Variants in HELZ observed in about 807,000 individuals in gnomAD.
HELZ encodes the protein helicase with zinc finger.
A neutral mutation model predicts 218.2 loss-of-function variants in HELZ; 23 were observed. The ratio of observed to expected loss-of-function variants is 0.11; its 90% CI spans 0.08 to 0.15. The LOEUF (loss-of-function observed/expected upper bound fraction) is 0.15. Ranked by LOEUF, HELZ falls within the 10% of genes least tolerant of loss-of-function variation. HELZ has a pLI of 1.00. For missense variants in HELZ, 1,813 were observed against 2,353.7 expected (o/e 0.77, Z 4.75); for synonymous variants, 814 against 829.4 (o/e 0.98, Z 0.32).
At chr17:67,098,533 G>A (rs1250706446) in intron 31 of HELZ, among the ~76,000 whole-genome samples, 2 of 151,212 alleles carry the variant, frequency 1.3e-5, no homozygotes, top group Non-Finnish European at 2.9e-5. Context: ...TCAGGAGTTT[G>A]AGACCAGCCT....
At chr17:67,235,665 C>T (rs1025419040) in intron 3 of HELZ, among the ~76,000 whole-genome samples, 1 of 151,660 alleles carries the variant, frequency 6.6e-6, no homozygotes, top group Non-Finnish European at 1.5e-5. Context: ...CCAATAAATA[C>T]TTGCTGAACT....
At chr17:67,186,043 T>C (rs1316165427) in intron 12 of HELZ, among the ~76,000 whole-genome samples, 2 of 152,152 alleles carry the variant, frequency 1.3e-5, no homozygotes, top group Non-Finnish European at 2.9e-5. Context: ...TCCTACAATG[T>C]GTTCTCTTGC....
rs1361473062 is a variant in HELZ, at chr17:67,074,776, TTTTAC to T, written c.*3471_*3475del. 1 of 152,094 alleles carries T rather than the reference TTTTAC, an allele frequency of 6.6e-6. No individual in the cohort carries two copies. Among genetic ancestry groups the T allele is most frequent in the African/African-American group, 2.4e-5 (1 of 41,432 alleles). The allele number at this position is 152,094 out of a possible 1,614,324, so 9.4% of individuals were successfully genotyped here. A position where few individuals can be genotyped will look rare whatever the true frequency, so the allele number is the denominator to read the frequency against. On this transcript the variant is annotated 3_prime_UTR_variant, in exon 33 of 33. Coordinates refer to ENST00000358691, the MANE Select transcript of HELZ (RefSeq NM_014877.4). ...GCTTATTCAGTGGGAATTCTGCTTATTTTACTTATTCTGCAGTTCTCTGAACTGAA... is the reference window on the plus strand; with the variant it reads ...GCTTATTCAGTGGGAATTCTGCTTATTTATTCTGCAGTTCTCTGAACTGAA...
intron 3 of HELZ, among the ~76,000 whole-genome samples, chr17:67,229,017 T>C (rs1194538751): frequency 6.6e-6 from 1 of 151,956 alleles, no homozygotes; most frequent in Non-Finnish European, 1.5e-5. Context: ...TGCACCCAGC[T>C]GATACATAAT....
intron 31 of HELZ, among the ~76,000 whole-genome samples, chr17:67,096,137 C>G (rs2036738105): frequency 8.2e-6 from 1 of 121,856 alleles, no homozygotes; most frequent in Non-Finnish European, 1.7e-5. Flanking sequence ...AAAAATCCCA[C>G]CCCCCCTCCC....
At chr17:67,100,635 T>G (rs2036895352) in intron 31 of HELZ, among the ~76,000 whole-genome samples, 1 of 152,172 alleles carries the variant, frequency 6.6e-6, no homozygotes, top group African/African-American at 2.4e-5. Context: ...TTTGAGAATT[T>G]GTCCCTGAAG....
chr17:67,109,172 T>C lies in HELZ; in HGVS notation c.4433A>G (p.His1478Arg). The C allele has an allele frequency of 6.2e-7, 1 of 1,613,992 alleles. No homozygotes were observed. Among genetic ancestry groups the C allele is most frequent in the Non-Finnish European group, 8.5e-7 (1 of 1,180,030 alleles). Reference sequence around the variant, plus strand: ...GTTCTCATCAATGAAGCTATTCAGATGTGAAGGAAGAATGGGGCCGGGTTG... The same window carrying C: ...GTTCTCATCAATGAAGCTATTCAGACGTGAAGGAAGAATGGGGCCGGGTTG... ...IAQPGPILPSHLNSFIDENPS... is the reference protein window; with the variant it reads ...IAQPGPILPSRLNSFIDENPS... Residue 1478 changes from histidine (H) to arginine (R), a missense_variant, in exon 29 of 33, where the codon CAT becomes CGT. By Grantham distance (29) the His-to-Arg change is conservative. This residue lies in a region of HELZ where 938 missense variants were observed against 1,027.5 expected (regional missense o/e 0.91). Transcript: ENST00000358691.
At chr17:67,109,093 C>T in intron 29 of HELZ, 23 bp downstream of exon 29, 5 of 1,530,566 alleles carry the variant, frequency 3.3e-6, no homozygotes, top group Non-Finnish European at 3.6e-6. Flanking sequence ...TGAATTTTCA[C>T]ATCTGGCAGT....
At chr17:67,186,329 G>A (rs8066336) in intron 12 of HELZ, among the ~76,000 whole-genome samples, 45,764 of 151,830 alleles carry the variant, frequency 0.3, 9,233 homozygotes, top group African/African-American at 0.58. Context: ...TCTATGACAG[G>A]TATTACTAGC....
chr17:67,219,397 A>T (rs1162599582), intron 3 of HELZ, among the ~76,000 whole-genome samples: 1 of 152,260 alleles, frequency 6.6e-6, no homozygotes, highest in Non-Finnish European at 1.5e-5. Context: ...AGGGCATGTC[A>T]TCTCTGCTTT....
chr17:67,117,151 G>A (rs530069335), intron 27 of HELZ, among the ~76,000 whole-genome samples: 9 of 152,210 alleles, frequency 5.9e-5, no homozygotes, highest in Middle Eastern at 3.4e-3. Flanking sequence ...CACCATGCCC[G>A]GCCCCTGATT....
chr17:67,143,953 A>G (rs569558859), intron 21 of HELZ, among the ~76,000 whole-genome samples: 3 of 152,278 alleles, frequency 2.0e-5, no homozygotes, highest in Admixed American at 2.0e-4. Context: ...TTTGATTTTA[A>G]CTCTATGTAA....
In HELZ at chr17:67,167,528, T is replaced by C. The variant is rs191184968; in HGVS notation, c.1699A>G (p.Ile567Val). The C allele has an allele frequency of 1.7e-3, 2,700 of 1,613,752 alleles. 3 individuals carry two copies. The highest frequency in any genetic ancestry group is 2.1e-3 in the Non-Finnish European group (2,517 of 1,179,628). The change falls in exon 14 of 33, where the codon ATA (isoleucine) becomes GTA (valine). Residue 567 changes from isoleucine (I) to valine (V), a missense_variant. Physicochemically the swap from Ile to Val is conservative, Grantham distance 29. Coordinates refer to ENST00000358691, the MANE Select transcript of HELZ (RefSeq NM_014877.4). ...ATIEEKTKEY[I>V]FLRLSRECCE... Reference sequence around the variant, plus strand: ...CATTCCCTAGATAGCCTTAAAAATATATATTCCTTTGTTTTTTCTTCAATA... The same window carrying C: ...CATTCCCTAGATAGCCTTAAAAATACATATTCCTTTGTTTTTTCTTCAATA...
At position 67,123,815 on chromosome 17, in the gene HELZ, C is replaced by CTGTGTGTGTGTGTGTGTGTGTG. The variant is rs58616216; in HGVS notation, c.3439+126_3439+147dup. The CTGTGTGTGTGTGTGTGTGTGTG allele has an allele frequency of 9.9e-4, 528 of 535,050 alleles. 6 individuals are homozygous for CTGTGTGTGTGTGTGTGTGTGTG. The African/African-American group carries it at 0.01, about 10-fold the overall frequency. The allele number at this position is 535,050 out of a possible 1,614,324, so 33.1% of individuals were successfully genotyped here. A position where few individuals can be genotyped will look rare whatever the true frequency, so the allele number is the denominator to read the frequency against. ...AAAAAATTGAGAGGTTCCAAAGTGA[C>CTGTGTGTGTGTGTGTGTGTGTG]TGTGTGTGTGTGTGTGTGTGTGTGT... On this transcript the variant is annotated intron_variant, in intron 25 of 32. Transcript: ENST00000358691.
At chr17:67,191,427 C>T (rs1406240764) in intron 9 of HELZ, among the ~76,000 whole-genome samples, 1 of 151,886 alleles carries the variant, frequency 6.6e-6, no homozygotes, top group Non-Finnish European at 1.5e-5. Context: ...AATTCAGTGA[C>T]CAAAAACAGA....
At chr17:67,166,662 G>A in intron 14 of HELZ, 54 bp from the exon 15 acceptor site, 1 of 1,540,982 alleles carries the variant, frequency 6.5e-7, no homozygotes, top group Non-Finnish European at 9.0e-7. Flanking sequence ...CATCAATGCT[G>A]GCAGCTCACT....
intron 13 of HELZ, among the ~76,000 whole-genome samples, chr17:67,176,920 T>C (rs73343166): frequency 0.087 from 13,184 of 151,998 alleles, 1,500 homozygotes; most frequent in African/African-American, 0.26. Flanking sequence ...GGCCCTCTCA[T>C]ACTGGCTTTG....
At position 67,140,305 on chromosome 17, in the gene HELZ, A is replaced by G. The variant is rs114656736; in HGVS notation, c.2770-2191T>C. ...CATGTCCTCCCCCAACAACTGCTCCATAAGTTCTGCCCAGGAGACGGTGAG... is the reference window on the plus strand; with the variant it reads ...CATGTCCTCCCCCAACAACTGCTCCGTAAGTTCTGCCCAGGAGACGGTGAG... On this transcript the variant is annotated intron_variant, in intron 21 of 32. Transcript: ENST00000358691. Among the ~76,000 whole-genome samples, 195 of 152,314 alleles carry G rather than the reference A, an allele frequency of 1.3e-3. 1 individual carries two copies. The highest frequency in any genetic ancestry group is 4.3e-3 in the African/African-American group (178 of 41,576).
intron 27 of HELZ, among the ~76,000 whole-genome samples, chr17:67,119,235 G>T (rs2037523387): frequency 6.6e-6 from 1 of 152,060 alleles, no homozygotes; most frequent in East Asian, 1.9e-4. Flanking sequence ...CCAAAAATTA[G>T]ATACAACTAA....
Sources: gnomAD v4.1 joint callset for allele counts (sites outside exome capture counted in the v4.1 genomes callset) on GRCh38, gnomAD v4.1.1 for gene constraint, gnomAD v4.1.1 regional missense constraint, MANE v1.5 for transcripts, NCBI Gene and HGNC (gene_info 2026-07-23, HGNC 2026-07-21) for gene names.